Variants in GRM7 observed in about 807,000 individuals in gnomAD.
The protein encoded by GRM7 is glutamate metabotropic receptor 7, also known as metabotropic glutamate receptor 7.
In GRM7, 35 loss-of-function variants were observed where a neutral mutation model predicts 84.5. That is an observed-to-expected ratio of 0.41 (90% confidence interval 0.32 to 0.55). The LOEUF is 0.55. Among genes scored for constraint, GRM7 ranks in the 20% least tolerant of loss-of-function variants. The probability of loss-of-function intolerance (pLI) is 0.19; values close to 1 mark genes in which losing one functional copy is unlikely to be tolerated. For synonymous variants in GRM7, 487 were observed against 455.1 expected (o/e 1.07, Z -0.89); for missense variants, 1,003 against 1,194.6 (o/e 0.84, Z 2.36).
At chr3:6,940,180 C>T (rs1417747146) in intron 1 of GRM7, among the ~76,000 whole-genome samples, 2 of 152,104 alleles carry the variant, frequency 1.3e-5, no homozygotes, top group Non-Finnish European at 2.9e-5. Context: ...CAGACTCCGC[C>T]TCCCGGGTTC....
chr3:7,400,003 A>G (rs1052886051), intron 4 of GRM7, among the ~76,000 whole-genome samples: 3 of 152,242 alleles, frequency 2.0e-5, no homozygotes, highest in South Asian at 2.1e-4. Flanking sequence ...GAAGGTTTAC[A>G]TAAGTTATTA....
At chr3:7,509,422 A>G (rs1428653696) in intron 7 of GRM7, among the ~76,000 whole-genome samples, 1 of 152,176 alleles carries the variant, frequency 6.6e-6, no homozygotes, top group Admixed American at 6.5e-5. Context: ...GCTACATAGG[A>G]TGGGTACTAT....
chr3:7,697,277 C>T (rs1365936488), intron 9 of GRM7, among the ~76,000 whole-genome samples: 2 of 152,202 alleles, frequency 1.3e-5, no homozygotes, highest in East Asian at 1.9e-4. Context: ...CCTTATGTAA[C>T]ATTTTATAGT....
chr3:7,587,257 G>T (rs1278406529), intron 8 of GRM7, among the ~76,000 whole-genome samples: 1 of 151,990 alleles, frequency 6.6e-6, no homozygotes, highest in African/African-American at 2.4e-5. Context: ...TGGCCTATTT[G>T]CACAGTACTG....
chr3:7,626,924 C>CTTT (rs34233877), intron 8 of GRM7, among the ~76,000 whole-genome samples: 1 of 143,516 alleles, frequency 7.0e-6, no homozygotes, highest in African/African-American at 2.6e-5. Context: ...ATGAGCACCT[C>CTTT]TTTTTTTTTT....
At chr3:7,673,475 C>T (rs1030725041) in intron 8 of GRM7, among the ~76,000 whole-genome samples, 3 of 146,698 alleles carry the variant, frequency 2.0e-5, no homozygotes, top group African/African-American at 7.6e-5. Flanking sequence ...TACAGGAAAC[C>T]GGGTTAGAGA....
intron 1 of GRM7, among the ~76,000 whole-genome samples, chr3:7,069,787 T>A (rs1217391985): frequency 1.3e-5 from 2 of 152,046 alleles, no homozygotes; most frequent in Admixed American, 6.6e-5. Context: ...CTTTTATAGA[T>A]CTGTGTAGCT....
chr3:7,687,725 C>T (rs1475501008), intron 9 of GRM7, among the ~76,000 whole-genome samples: 3 of 152,110 alleles, frequency 2.0e-5, no homozygotes, highest in Admixed American at 6.5e-5. Context: ...TGGTTCTTCC[C>T]ATCCTTGTTT....
At chr3:7,339,319 G>T (rs1200366405) in intron 4 of GRM7, among the ~76,000 whole-genome samples, 1 of 152,088 alleles carries the variant, frequency 6.6e-6, no homozygotes, top group Non-Finnish European at 1.5e-5. Flanking sequence ...TTCATTGCTG[G>T]TTTGCCCCTC....
chr3:7,093,571 G>C (rs1163073399), intron 1 of GRM7, among the ~76,000 whole-genome samples: 1 of 150,660 alleles, frequency 6.6e-6, no homozygotes, highest in African/African-American at 2.4e-5. Flanking sequence ...CACCTACTCG[G>C]GGGGCTGAGG....
At chr3:7,442,490 A>G (rs1187192194) in intron 5 of GRM7, among the ~76,000 whole-genome samples, 1 of 119,584 alleles carries the variant, frequency 8.4e-6, no homozygotes, top group Non-Finnish European at 1.7e-5. Flanking sequence ...ACTTGCGATT[A>G]TGACTTTTGT....
At chr3:6,940,835 T>A (rs1366169519) in intron 1 of GRM7, among the ~76,000 whole-genome samples, 1 of 152,206 alleles carries the variant, frequency 6.6e-6, no homozygotes. Flanking sequence ...CCTAAGTTCT[T>A]CCTCACCTAC....
intron 2 of GRM7, among the ~76,000 whole-genome samples, chr3:7,233,751 C>T (rs941737248): frequency 2.0e-4 from 31 of 152,142 alleles, no homozygotes; most frequent in African/African-American, 7.5e-4. Flanking sequence ...AAAAATTTTT[C>T]TTTTACAAAA....
chr3:7,143,396 C>G (rs1006458590), intron 1 of GRM7, among the ~76,000 whole-genome samples: 21 of 152,020 alleles, frequency 1.4e-4, no homozygotes, highest in Admixed American at 1.1e-3. Flanking sequence ...GAATAAAATC[C>G]TTTTTGTCTT....
At chr3:6,936,635 T>C (rs2125051338) in intron 1 of GRM7, among the ~76,000 whole-genome samples, 1 of 152,336 alleles carries the variant, frequency 6.6e-6, no homozygotes, top group South Asian at 2.1e-4. Flanking sequence ...TCTCTCCTGA[T>C]TGGACCCAGG....
chr3:7,216,049 C>T (rs1696598186), intron 2 of GRM7, among the ~76,000 whole-genome samples: 1 of 152,150 alleles, frequency 6.6e-6, no homozygotes, highest in African/African-American at 2.4e-5. Flanking sequence ...GTAAAAGTTT[C>T]AATTTTTCTA....
chr3:7,576,011 TTTAA>T (rs1215828961), intron 7 of GRM7, among the ~76,000 whole-genome samples: 1 of 152,234 alleles, frequency 6.6e-6, no homozygotes, highest in Admixed American at 6.5e-5. Flanking sequence ...TCCTATAAAG[TTTAA>T]TTATGTGGCA....
chr3:7,093,606 G>A lies in GRM7; in HGVS notation c.520-52846G>A, dbSNP rs190055803. ...GGAGAAGAATTGCTTGAACCCAGGAGGCAGAGGTTGCAGTAACACTAGATC... is the reference window on the plus strand; with the variant it reads ...GGAGAAGAATTGCTTGAACCCAGGAAGCAGAGGTTGCAGTAACACTAGATC... On this transcript the variant is annotated intron_variant, in intron 1 of 9. Transcript: ENST00000357716. Among the ~76,000 whole-genome samples, 273 of 142,558 alleles carry A rather than the reference G, an allele frequency of 1.9e-3. 2 individuals carry two copies. Among genetic ancestry groups the A allele is most frequent in the Admixed American group, 5.9e-3 (79 of 13,494 alleles). 93.5% of individuals were successfully genotyped at this position (142,558 alleles called of 152,430 possible).
intron 4 of GRM7, 123 bp from the exon 5 acceptor site, chr3:7,414,900 C>A: frequency 2.6e-5 from 13 of 509,514 alleles, no homozygotes; most frequent in South Asian, 4.9e-5. Flanking sequence ...TTTTTTTTTT[C>A]GGTCGACACA....
Sources: gnomAD v4.1 joint callset for allele counts (sites outside exome capture counted in the v4.1 genomes callset) on GRCh38, gnomAD v4.1.1 for gene constraint, MANE v1.5 for transcripts, NCBI Gene and HGNC (gene_info 2026-07-23, HGNC 2026-07-21) for gene names.